The following ALDH1A2 variants were observed in gnomAD, a reference collection of about 807,000 sequenced individuals.
ALDH1A2 encodes the protein retinal dehydrogenase 2.
Under a neutral mutation model 60.3 loss-of-function variants are expected in ALDH1A2, and 27 were observed. That is an observed-to-expected ratio of 0.45 (90% confidence interval 0.33 to 0.62). The LOEUF is 0.62. ALDH1A2 is among the 20% of genes least tolerant of loss of function. The pLI is 0.02. For synonymous variants in ALDH1A2, 289 were observed against 232.4 expected, an observed-to-expected ratio of 1.24 and a Z score of -2.21; for missense variants, 581 against 643.8, an observed-to-expected ratio of 0.90 and a Z score of 1.06.
intron 7 of ALDH1A2, among the ~76,000 whole-genome samples, chr15:57,983,910 C>G (rs1894605263): frequency 6.6e-6 from 1 of 152,026 alleles, no homozygotes; most frequent in African/African-American, 2.4e-5. Flanking sequence ...AAATGGAAAC[C>G]CTGTATTGTA....
chr15:57,977,283 T>C (rs1218532256), intron 7 of ALDH1A2, among the ~76,000 whole-genome samples: 1 of 152,104 alleles, frequency 6.6e-6, no homozygotes, highest in Non-Finnish European at 1.5e-5. Flanking sequence ...ATTTTGGCCA[T>C]TGCCTTTGGT....
At chr15:58,039,798 G>A (rs1288353253) in intron 1 of ALDH1A2, among the ~76,000 whole-genome samples, 1 of 151,782 alleles carries the variant, frequency 6.6e-6, no homozygotes, top group African/African-American at 2.4e-5. Context: ...GAACAAAAAG[G>A]GAGGGGAGTC....
At chr15:57,971,394 C>T (rs530216826) in intron 7 of ALDH1A2, among the ~76,000 whole-genome samples, 5 of 152,122 alleles carry the variant, frequency 3.3e-5, no homozygotes, top group Admixed American at 6.5e-5. Flanking sequence ...GCTGTCTCCC[C>T]GACTACAATG....
intron 7 of ALDH1A2, among the ~76,000 whole-genome samples, chr15:57,975,937 T>C (rs750952559): frequency 6.6e-6 from 1 of 152,178 alleles, no homozygotes; most frequent in Admixed American, 6.5e-5. Flanking sequence ...TGGATACACA[T>C]GGCCAAGACT....
chr15:58,041,426 T>C (rs759105404), intron 1 of ALDH1A2, among the ~76,000 whole-genome samples: 3 of 151,920 alleles, frequency 2.0e-5, no homozygotes, highest in African/African-American at 4.8e-5. Flanking sequence ...GCTTAGTTCA[T>C]TCAAGCTTCT....
intron 1 of ALDH1A2, among the ~76,000 whole-genome samples, chr15:58,045,306 T>C (rs909025042): frequency 1.3e-5 from 2 of 152,006 alleles, no homozygotes; most frequent in African/African-American, 4.8e-5. Context: ...GGAGTGTAAA[T>C]TAGTTCAACC....
At chr15:58,047,827 T>A (rs1896672324) in intron 1 of ALDH1A2, among the ~76,000 whole-genome samples, 1 of 151,896 alleles carries the variant, frequency 6.6e-6, no homozygotes. Context: ...GGCTAAAAAG[T>A]GAAAAAAACA....
intron 12 of ALDH1A2, among the ~76,000 whole-genome samples, chr15:57,958,870 C>G (rs1284611841): frequency 6.6e-6 from 1 of 152,148 alleles, no homozygotes; most frequent in African/African-American, 2.4e-5. Context: ...TGGGTCTCAT[C>G]AAAGAACAGC....
At chr15:58,059,382 G>A (rs1328902912) in intron 1 of ALDH1A2, among the ~76,000 whole-genome samples, 1 of 152,166 alleles carries the variant, frequency 6.6e-6, no homozygotes, top group African/African-American at 2.4e-5. Flanking sequence ...TTTCTGGAAG[G>A]TGACTGCTCC....
At chr15:58,025,501 A>G (rs1453956983) in intron 1 of ALDH1A2, among the ~76,000 whole-genome samples, 1 of 152,230 alleles carries the variant, frequency 6.6e-6, no homozygotes, top group Non-Finnish European at 1.5e-5. Context: ...AACAAGCAGC[A>G]ATATTGAATC....
At chr15:57,989,120 G>A (rs1331415400) in intron 7 of ALDH1A2, among the ~76,000 whole-genome samples, 1 of 152,220 alleles carries the variant, frequency 6.6e-6, no homozygotes, top group Non-Finnish European at 1.5e-5. Flanking sequence ...TTGCGCTCCA[G>A]CCTGGGTGAC....
At chr15:58,019,915 A>G (rs1895880755) in intron 1 of ALDH1A2, among the ~76,000 whole-genome samples, 1 of 152,112 alleles carries the variant, frequency 6.6e-6, no homozygotes, top group Non-Finnish European at 1.5e-5. Flanking sequence ...TGCTGCACCT[A>G]TCATCACATC....
At chr15:58,024,755 G>A (rs905564901) in intron 1 of ALDH1A2, among the ~76,000 whole-genome samples, 4 of 152,084 alleles carry the variant, frequency 2.6e-5, no homozygotes, top group Non-Finnish European at 4.4e-5. Context: ...CTTTTCATCA[G>A]CACATGCAAT....
intron 7 of ALDH1A2, among the ~76,000 whole-genome samples, chr15:57,972,739 C>T (rs143131250): frequency 9.2e-5 from 14 of 152,282 alleles, no homozygotes; most frequent in Admixed American, 2.0e-4. Context: ...GGTTTTTCCA[C>T]ATGAAACTGG....
chr15:58,024,024 T>C (rs879332261), intron 1 of ALDH1A2, among the ~76,000 whole-genome samples: 2 of 151,930 alleles, frequency 1.3e-5, no homozygotes, highest in African/African-American at 2.4e-5. Context: ...ACCTGGGAGG[T>C]GGAGGTTGCA....
intron 4 of ALDH1A2, among the ~76,000 whole-genome samples, chr15:57,997,293 T>C (rs1250325666): frequency 4.6e-5 from 7 of 152,010 alleles, no homozygotes; most frequent in African/African-American, 1.2e-4. Context: ...CTTCTTCAAT[T>C]TGTAAATCTC....
intron 1 of ALDH1A2, among the ~76,000 whole-genome samples, chr15:58,020,804 T>C (rs144921711): frequency 8.4e-4 from 128 of 152,346 alleles, no homozygotes; most frequent in African/African-American, 2.9e-3. Flanking sequence ...TGATTGTCAT[T>C]AACGTTTTAT....
Position 58,013,894 on chromosome 15 carries a change from A to T in ALDH1A2, c.327T>A (p.Leu109=). The T allele has an allele frequency of 6.2e-7, 1 of 1,614,198 alleles. No individual in the cohort carries two copies. Among genetic ancestry groups the T allele is most frequent in the South Asian group, 1.1e-5 (1 of 91,088 alleles). ...CCCTGTCCCGTTCCACCAAGTCTGC[A>T]AGCTTATCCAACAGACGTCCCCTTT... ...ASERGRLLDK[L]ADLVERDRAV... is the part of the protein sequence containing the mutation. Residue 109 remains leucine, a synonymous_variant, in exon 3 of 13, where the codon CTT becomes CTA. Transcript: ENST00000249750.
intron 1 of ALDH1A2, among the ~76,000 whole-genome samples, chr15:58,061,730 T>C (rs753140854): frequency 1.3e-5 from 2 of 152,056 alleles, no homozygotes; most frequent in Admixed American, 6.5e-5. Context: ...GTCTTTCTTA[T>C]GAATTATTCT....
Sources: allele counts gnomAD v4.1 joint callset (sites outside exome capture counted in the v4.1 genomes callset), GRCh38; gene constraint gnomAD v4.1.1; transcripts MANE v1.5; gene names NCBI Gene and HGNC (gene_info 2026-07-23, HGNC 2026-07-21).